Variants in PRR16 observed in about 807,000 individuals in gnomAD.
The protein encoded by PRR16 is proline rich 16, also known as protein Largen.
A neutral mutation model predicts 18.2 loss-of-function variants in PRR16; 6 were observed. That is an observed-to-expected ratio of 0.33 (90% CI 0.18 to 0.65). The LOEUF (loss-of-function observed/expected upper bound fraction) is 0.65. Ranked by LOEUF, PRR16 falls within the 30% of genes least tolerant of loss-of-function variation. The pLI, the probability that PRR16 is intolerant of heterozygous loss-of-function variation, is 0.74. For synonymous variants in PRR16, 151 were observed against 147.8 expected, an observed-to-expected ratio of 1.02 and a Z score of -0.16; for missense variants, 412 against 376.6, an observed-to-expected ratio of 1.09 and a Z score of -0.78.
chr5:120,547,131 A>C (rs939217368), intron 1 of PRR16, among the ~76,000 whole-genome samples: 1 of 151,938 alleles, frequency 6.6e-6, no homozygotes, highest in African/African-American at 2.4e-5. Context: ...AGTTAGGGCA[A>C]CTAGAGATTC....
At chr5:120,616,911 T>G (rs1267442421) in intron 1 of PRR16, among the ~76,000 whole-genome samples, 1 of 152,188 alleles carries the variant, frequency 6.6e-6, no homozygotes, top group Non-Finnish European at 1.5e-5. Context: ...ACTTCCTTCC[T>G]AGACATGTTC....
At chr5:120,574,364 G>A (rs1016331425) in intron 1 of PRR16, among the ~76,000 whole-genome samples, 16 of 152,244 alleles carry the variant, frequency 1.1e-4, no homozygotes, top group African/African-American at 3.9e-4. Context: ...AGCACTTTGG[G>A]AGGCAGAGGC....
chr5:120,466,117 T>C (rs1749071053), intron 1 of PRR16, among the ~76,000 whole-genome samples: 1 of 152,198 alleles, frequency 6.6e-6, no homozygotes, highest in Non-Finnish European at 1.5e-5. Context: ...TTAGTATACA[T>C]AGATTCAGGG....
intron 1 of PRR16, among the ~76,000 whole-genome samples, chr5:120,550,640 A>G (rs1752224297): frequency 1.3e-5 from 2 of 151,994 alleles, no homozygotes; most frequent in African/African-American, 4.8e-5. Context: ...TGACTTCCCC[A>G]CTGGAAAATA....
the PRR16 span, among the ~76,000 whole-genome samples, chr5:120,731,774 G>A: frequency 6.6e-6 from 1 of 152,140 alleles, no homozygotes; most frequent in Admixed American, 6.6e-5. Context: ...ACATTAAATA[G>A]GACTGATTCT....
At chr5:120,745,847 C>T in the PRR16 span, among the ~76,000 whole-genome samples, 15 of 148,426 alleles carry the variant, frequency 1.0e-4, 1 homozygote, top group South Asian at 1.1e-3. Context: ...TACAGGCACC[C>T]GCCACCACGC....
chr5:120,553,976 G>T (rs1478817296), intron 1 of PRR16, among the ~76,000 whole-genome samples: 1 of 151,858 alleles, frequency 6.6e-6, no homozygotes, highest in African/African-American at 2.4e-5. Flanking sequence ...ATTCTGTTTT[G>T]TTTTGTCCCT....
At chr5:120,681,187 T>C (rs1756962199) in intron 1 of PRR16, among the ~76,000 whole-genome samples, 1 of 152,168 alleles carries the variant, frequency 6.6e-6, no homozygotes, top group Non-Finnish European at 1.5e-5. Context: ...TGACTTTCAT[T>C]TACGATGCTT....
chr5:120,529,424 T>A (rs1947460), intron 1 of PRR16, among the ~76,000 whole-genome samples: 1 of 151,926 alleles, frequency 6.6e-6, no homozygotes, highest in Non-Finnish European at 1.5e-5. Flanking sequence ...CTAAAATAAT[T>A]TATGCTGTGT....
At chr5:120,703,489 A>G in the PRR16 span, among the ~76,000 whole-genome samples, 1 of 152,220 alleles carries the variant, frequency 6.6e-6, no homozygotes, top group African/African-American at 2.4e-5. Flanking sequence ...TATCCTGTGC[A>G]TTGAATACAC....
At chr5:120,705,141 T>C in the PRR16 span, among the ~76,000 whole-genome samples, 1 of 152,128 alleles carries the variant, frequency 6.6e-6, no homozygotes, top group Non-Finnish European at 1.5e-5. Context: ...TTTAATTGTT[T>C]GCATTCAAAG....
chr5:120,691,763 G>A (rs1757211997), downstream of PRR16, among the ~76,000 whole-genome samples: 1 of 152,084 alleles, frequency 6.6e-6, no homozygotes, highest in Non-Finnish European at 1.5e-5. Flanking sequence ...ACCAATCAAA[G>A]GGATTTTAGA....
intron 1 of PRR16, among the ~76,000 whole-genome samples, chr5:120,564,146 C>G (rs892029104): frequency 1.3e-5 from 2 of 152,152 alleles, no homozygotes; most frequent in African/African-American, 4.8e-5. Context: ...GTCCTCTTTA[C>G]TCTTTGCTCT....
intron 1 of PRR16, among the ~76,000 whole-genome samples, chr5:120,520,834 C>A (rs1751150176): frequency 6.6e-6 from 1 of 151,960 alleles, no homozygotes; most frequent in Non-Finnish European, 1.5e-5. Flanking sequence ...ACCAAAAAAA[C>A]TCTTAAATAT....
the PRR16 span, among the ~76,000 whole-genome samples, chr5:120,703,813 G>T: frequency 6.6e-6 from 1 of 152,176 alleles, no homozygotes; most frequent in Admixed American, 6.5e-5. Flanking sequence ...AGTCCTCATA[G>T]ATTTCCTAAT....
the PRR16 span, among the ~76,000 whole-genome samples, chr5:120,722,795 T>C: frequency 6.6e-6 from 1 of 151,520 alleles, no homozygotes; most frequent in Admixed American, 6.6e-5. Context: ...GTTCTTTCTC[T>C]AAGCTTTTGT....
intron 1 of PRR16, among the ~76,000 whole-genome samples, chr5:120,580,959 C>A (rs1753252158): frequency 6.6e-6 from 1 of 152,184 alleles, no homozygotes. Flanking sequence ...CATCAACATT[C>A]ATCAGGGATA....
chr5:120,677,732 GT>G (rs1756844816), intron 1 of PRR16, among the ~76,000 whole-genome samples: 1 of 151,738 alleles, frequency 6.6e-6, no homozygotes, highest in Non-Finnish European at 1.5e-5. Context: ...ATTGAAAGAG[GT>G]TTTCATTTTG....
At chr5:120,721,048 CTT>C in the PRR16 span, among the ~76,000 whole-genome samples, 1 of 151,982 alleles carries the variant, frequency 6.6e-6, no homozygotes, top group African/African-American at 2.4e-5. Flanking sequence ...CATATGGAAA[CTT>C]TTAAACATCA....
Sources: gnomAD v4.1 joint callset for allele counts (sites outside exome capture counted in the v4.1 genomes callset) on GRCh38, gnomAD v4.1.1 for gene constraint, MANE v1.5 for transcripts, NCBI Gene and HGNC (gene_info 2026-07-23, HGNC 2026-07-21) for gene names.